MCTP2: variants seen among roughly 807,000 people sequenced by gnomAD.
MCTP2 encodes the protein multiple C2 and transmembrane domain-containing protein 2.
A neutral mutation model predicts 111.6 loss-of-function variants in MCTP2; 132 were observed. The ratio of observed to expected loss-of-function variants is 1.18; its 90% CI spans 1.03 to 1.37. The LOEUF (loss-of-function observed/expected upper bound fraction) is 1.37. MCTP2 is among the 40% of genes most tolerant of loss of function. The pLI, the probability that MCTP2 is intolerant of heterozygous loss-of-function variation, is 0.00. For missense variants in MCTP2, 1,183 were observed against 1,067.9 expected (o/e 1.11, Z -1.50); for synonymous variants, 395 against 387.7 (o/e 1.02, Z -0.22).
chr15:94,280,369 T>C (rs2074417063), intron 1 of MCTP2, among the ~76,000 whole-genome samples: 1 of 151,820 alleles, frequency 6.6e-6, no homozygotes, highest in Admixed American at 6.6e-5. Flanking sequence ...CCATTTCTTA[T>C]ATGTTTTCTA....
At chr15:94,391,389 T>C (rs2080966689) in intron 14 of MCTP2, among the ~76,000 whole-genome samples, 1 of 152,172 alleles carries the variant, frequency 6.6e-6, no homozygotes. Context: ...TTAAAGTAAA[T>C]AATATTGATT....
chr15:94,379,068 T>C (rs1195575462), intron 12 of MCTP2, among the ~76,000 whole-genome samples: 1 of 151,878 alleles, frequency 6.6e-6, no homozygotes, highest in Admixed American at 6.6e-5. Flanking sequence ...TTTTTGTTTT[T>C]TGTTTTTTTT....
intron 14 of MCTP2, among the ~76,000 whole-genome samples, chr15:94,392,289 G>A (rs1049044462): frequency 4.6e-5 from 7 of 151,246 alleles, no homozygotes; most frequent in African/African-American, 1.7e-4. Flanking sequence ...GGAGAATGGC[G>A]TGAACCCGGG....
In MCTP2 at chr15:94,298,554, A is replaced by G; in HGVS notation, c.289A>G (p.Lys97Glu). The change falls in exon 2 of 23, where the codon AAA becomes GAA. Residue 97 changes from lysine to glutamate, a missense_variant. Physicochemically the swap from Lys to Glu is moderately conservative, Grantham distance 56. Transcript: ENST00000357742. The part of the protein sequence containing the change: ...IFPKSSSSSL[K>E]QSEEELDWSQ... Reference sequence around the variant, plus strand: ...TCCCAAGAGCAGCAGTAGCTCCTTGAAACAGTCTGAAGAAGAATTGGATTG... The same window carrying G: ...TCCCAAGAGCAGCAGTAGCTCCTTGGAACAGTCTGAAGAAGAATTGGATTG... 6.2e-7 allele frequency: 1 copy of G among 1,614,126 alleles called. No individual in the cohort carries two copies. Among genetic ancestry groups the G allele is most frequent in the Non-Finnish European group, 8.5e-7 (1 of 1,180,014 alleles).
At chr15:94,413,839 G>A (rs938917236) in intron 17 of MCTP2, among the ~76,000 whole-genome samples, 3 of 152,098 alleles carry the variant, frequency 2.0e-5, no homozygotes, top group African/African-American at 7.2e-5. Flanking sequence ...CATTGTCAAA[G>A]CAAAGTGAAA....
intron 16 of MCTP2, among the ~76,000 whole-genome samples, chr15:94,400,886 G>C (rs530716298): frequency 5.9e-5 from 9 of 152,102 alleles, no homozygotes; most frequent in Non-Finnish European, 1.2e-4. Context: ...GTCTTCTGAG[G>C]GGAAGCCTCC....
intron 5 of MCTP2, among the ~76,000 whole-genome samples, chr15:94,339,889 A>G (rs2077544649): frequency 6.6e-6 from 1 of 152,224 alleles, no homozygotes; most frequent in African/African-American, 2.4e-5. Flanking sequence ...GGAAAATACT[A>G]AATTTTAATG....
At chr15:94,316,223 G>A (rs778836818) in intron 4 of MCTP2, among the ~76,000 whole-genome samples, 9 of 151,290 alleles carry the variant, frequency 5.9e-5, no homozygotes, top group Non-Finnish European at 7.4e-5. Flanking sequence ...TAAATACTAC[G>A]TATTATTTAA....
chr15:94,298,606 A>G lies in MCTP2; in HGVS notation c.341A>G (p.His114Arg), dbSNP rs1166912283. Reference sequence around the variant, plus strand: ...AGCCAGGAAGAAGCCAGTCACCTCCATGTGGTGGAAACAGACTCAGAGGAG... The same window carrying G: ...AGCCAGGAAGAAGCCAGTCACCTCCGTGTGGTGGAAACAGACTCAGAGGAG... ...DWSQEEASHL[H>R]VVETDSEEAY... Residue 114 changes from histidine to arginine, a missense_variant, in exon 2 of 23, where the codon CAT becomes CGT. His to Arg is a conservative substitution (Grantham distance 29). Transcript: ENST00000357742. The G allele has an allele frequency of 1.2e-6, 2 of 1,614,018 alleles. No homozygotes were observed. Among genetic ancestry groups the G allele is most frequent in the Admixed American group, 1.7e-5 (1 of 60,026 alleles).
At chr15:94,238,106 G>A (rs574601992) in intron 1 of MCTP2, among the ~76,000 whole-genome samples, 1 of 152,164 alleles carries the variant, frequency 6.6e-6, no homozygotes, top group African/African-American at 2.4e-5. Flanking sequence ...CATGTTCTCA[G>A]GACCTCCTGA....
chr15:94,403,384 C>T (rs1486701078), intron 17 of MCTP2: 1 of 288,852 alleles, frequency 3.5e-6, no homozygotes, highest in Non-Finnish European at 5.2e-6. Flanking sequence ...CCCGAATTCC[C>T]TTTCAAAACT....
At chr15:94,269,064 A>G (rs536864769) in intron 1 of MCTP2, among the ~76,000 whole-genome samples, 13 of 152,298 alleles carry the variant, frequency 8.5e-5, no homozygotes, top group African/African-American at 3.1e-4. Context: ...AATGATTAGT[A>G]TAAGGACTTT....
At chr15:94,245,190 A>C (rs1377008144) in intron 1 of MCTP2, among the ~76,000 whole-genome samples, 3 of 144,508 alleles carry the variant, frequency 2.1e-5, no homozygotes, top group Admixed American at 6.9e-5. Context: ...TTATACACAC[A>C]TATGTATGTA....
intron 4 of MCTP2, among the ~76,000 whole-genome samples, chr15:94,319,346 T>C (rs1176213478): frequency 1.3e-5 from 2 of 152,216 alleles, no homozygotes; most frequent in African/African-American, 4.8e-5. Flanking sequence ...AGCATTATTT[T>C]CTACAAAACC....
chr15:94,463,454 A>AG (rs2085335561), intron 20 of MCTP2, among the ~76,000 whole-genome samples: 1 of 152,154 alleles, frequency 6.6e-6, no homozygotes, highest in Admixed American at 6.5e-5. Flanking sequence ...ATTTGTTTCT[A>AG]ATAACCAGGT....
At chr15:94,243,879 T>C (rs1236999725) in intron 1 of MCTP2, among the ~76,000 whole-genome samples, 1 of 147,958 alleles carries the variant, frequency 6.8e-6, no homozygotes, top group African/African-American at 2.5e-5. Flanking sequence ...GTGTATATAT[T>C]TATGTACACA....
At chr15:94,299,664 A>G (rs1333184395) in intron 2 of MCTP2, among the ~76,000 whole-genome samples, 1 of 152,198 alleles carries the variant, frequency 6.6e-6, no homozygotes, top group Non-Finnish European at 1.5e-5. Context: ...GTCTTTCGTT[A>G]CTGACACTGA....
At position 94,480,631 on chromosome 15, in the gene MCTP2, T is replaced by A. The variant is rs1444610733; in HGVS notation, c.*1597T>A. The A allele has an allele frequency of 1.3e-5, 2 of 152,252 alleles. No homozygotes were observed. The highest frequency in any genetic ancestry group is 1.3e-4 in the Admixed American group (2 of 15,286). The allele number at this position is 152,252 out of a possible 1,614,324, so 9.4% of individuals were successfully genotyped here. A position where few individuals can be genotyped will look rare whatever the true frequency, so the allele number is the denominator to read the frequency against. Reference sequence around the variant, plus strand: ...AATCTTCTGTGTAAACAATGCCTCATTGTCTTGCTTCTAACTATCATCTAG... The same window carrying A: ...AATCTTCTGTGTAAACAATGCCTCAATGTCTTGCTTCTAACTATCATCTAG... On this transcript the variant is annotated 3_prime_UTR_variant, in exon 23 of 23. Coordinates refer to ENST00000357742, the MANE Select transcript of MCTP2 (RefSeq NM_001385001.1).
At chr15:94,419,893 G>T (rs1295522204) in intron 17 of MCTP2, among the ~76,000 whole-genome samples, 1 of 152,064 alleles carries the variant, frequency 6.6e-6, no homozygotes, top group Non-Finnish European at 1.5e-5. Flanking sequence ...CTAAACAACA[G>T]ATTTTCAATG....
Sources: gnomAD v4.1 joint callset for allele counts (sites outside exome capture counted in the v4.1 genomes callset) on GRCh38, gnomAD v4.1.1 for gene constraint, MANE v1.5 for transcripts, NCBI Gene and HGNC (gene_info 2026-07-23, HGNC 2026-07-21) for gene names.